The following TSHZ2 variants were observed in gnomAD, a reference collection of about 807,000 sequenced individuals.
The protein encoded by TSHZ2 is teashirt zinc finger homeobox 2, also known as teashirt homolog 2.
TSHZ2 carries 21 observed loss-of-function variants against 74.4 expected under a neutral mutation model. The observed-to-expected ratio is 0.28, with a 90% CI of 0.20 to 0.41. TSHZ2 has a LOEUF of 0.41. Among genes scored for constraint, TSHZ2 ranks in the 10% least tolerant of loss-of-function variants. The probability of loss-of-function intolerance (pLI) is 1.00; values close to 1 mark genes in which losing one functional copy is unlikely to be tolerated. For synonymous variants in TSHZ2, 540 were observed against 515.3 expected (o/e 1.05, Z -0.65); for missense variants, 1,244 against 1,293.5 (o/e 0.96, Z 0.59).
chr20:53,058,922 A>T (rs1405712086), intron 1 of TSHZ2, among the ~76,000 whole-genome samples: 1 of 152,184 alleles, frequency 6.6e-6, no homozygotes, highest in Non-Finnish European at 1.5e-5. Flanking sequence ...CATGCATTTA[A>T]ATCTGTATAC....
rs146340220 is a variant in TSHZ2 at position 53,172,989 on chromosome 20, T to C, written c.41-80510T>C. 2.1e-3 allele frequency among the ~76,000 whole-genome samples: 319 copies of C among 152,324 alleles called. 3 individuals are homozygous for C. The highest frequency in any genetic ancestry group is 6.9e-3 in the African/African-American group (285 of 41,578). On this transcript the variant is annotated intron_variant, in intron 1 of 2. Transcript: ENST00000371497. ...CAAATTACCCTCCCTGCTGTAAGCC[T>C]CAATTTCCTGTTCTGTACAGTGGAG...
intron 1 of TSHZ2, among the ~76,000 whole-genome samples, chr20:53,193,324 G>C (rs1366841962): frequency 1.3e-5 from 2 of 152,052 alleles, no homozygotes; most frequent in Non-Finnish European, 2.9e-5. Flanking sequence ...CCTTCTCCTG[G>C]GCTGACAACT....
chr20:53,235,403 C>CA (rs1258233654), intron 1 of TSHZ2, among the ~76,000 whole-genome samples: 1 of 152,086 alleles, frequency 6.6e-6, no homozygotes, highest in African/African-American at 2.4e-5. Flanking sequence ...CTCCTGACCT[C>CA]ATGTGATCCA....
chr20:53,246,618 G>A (rs1046886921), intron 1 of TSHZ2, among the ~76,000 whole-genome samples: 1 of 152,114 alleles, frequency 6.6e-6, no homozygotes, highest in Non-Finnish European at 1.5e-5. Flanking sequence ...CCACTGTGAC[G>A]AAAGTCCTAG....
At chr20:53,057,035 C>G (rs1405257036) in intron 1 of TSHZ2, among the ~76,000 whole-genome samples, 1 of 152,122 alleles carries the variant, frequency 6.6e-6, no homozygotes, top group African/African-American at 2.4e-5. Flanking sequence ...CTGTACTGTT[C>G]TCATGATAGT....
chr20:53,450,740 T>A (rs1054671252), intron 2 of TSHZ2, among the ~76,000 whole-genome samples: 1 of 152,188 alleles, frequency 6.6e-6, no homozygotes, highest in Non-Finnish European at 1.5e-5. Context: ...CAGGCTGGTC[T>A]TGAACTCCTG....
chr20:53,459,440 C>A (rs1985258031), intron 2 of TSHZ2, among the ~76,000 whole-genome samples: 1 of 150,466 alleles, frequency 6.6e-6, no homozygotes, highest in Admixed American at 6.6e-5. Flanking sequence ...TTATTTTGAG[C>A]CTATGTGTGT....
intron 1 of TSHZ2, among the ~76,000 whole-genome samples, chr20:52,988,471 T>C (rs1436809718): frequency 6.6e-6 from 1 of 152,120 alleles, no homozygotes; most frequent in East Asian, 1.9e-4. Flanking sequence ...TAGTATTTCA[T>C]GCTTAACAGC....
At chr20:53,224,849 CAAA>C (rs1157712413) in intron 1 of TSHZ2, among the ~76,000 whole-genome samples, 1 of 112,874 alleles carries the variant, frequency 8.9e-6, no homozygotes. Context: ...GACTCCATCT[CAAA>C]AAAAAAAAAA....
chr20:52,976,081 T>C lies in TSHZ2; in HGVS notation c.40+2748T>C, dbSNP rs555674910. On this transcript the variant is annotated intron_variant, in intron 1 of 2. Coordinates refer to ENST00000371497, the MANE Select transcript of TSHZ2 (RefSeq NM_173485.6). ...TTTTCCCAAGAACTGTTCCAGGCAA[T>C]TTGATTCCTTTGTATTATTAGTTAT... Among the ~76,000 whole-genome samples, 14 of 152,350 alleles carry C rather than the reference T, an allele frequency of 9.2e-5. No individual in the cohort carries two copies. The South Asian group carries it at 2.9e-3, about 32-fold the overall frequency.
At chr20:53,057,872 G>C (rs1984692990) in intron 1 of TSHZ2, among the ~76,000 whole-genome samples, 1 of 152,162 alleles carries the variant, frequency 6.6e-6, no homozygotes, top group Admixed American at 6.5e-5. Context: ...TTGAGGACAT[G>C]GACAGAAATG....
intron 1 of TSHZ2, among the ~76,000 whole-genome samples, chr20:53,210,435 G>A (rs562275797): frequency 3.9e-5 from 6 of 152,184 alleles, no homozygotes; most frequent in African/African-American, 1.2e-4. Context: ...GGGATGGAGT[G>A]GGGAAATGAT....
chr20:53,077,665 T>C (rs1236854005), intron 1 of TSHZ2, among the ~76,000 whole-genome samples: 1 of 152,006 alleles, frequency 6.6e-6, no homozygotes, highest in African/African-American at 2.4e-5. Context: ...ACAGACAGGG[T>C]AGTGGAGGTA....
intron 2 of TSHZ2, among the ~76,000 whole-genome samples, chr20:53,272,679 T>A (rs1235585113): frequency 6.6e-6 from 1 of 151,986 alleles, no homozygotes; most frequent in African/African-American, 2.4e-5. Context: ...GCCAGAAAAG[T>A]ATGAGGATGT....
intron 1 of TSHZ2, among the ~76,000 whole-genome samples, chr20:53,238,836 TAAAAAAAAAAAAAA>T (rs746136673): frequency 1.5e-5 from 1 of 65,996 alleles, no homozygotes; most frequent in African/African-American, 6.1e-5. Flanking sequence ...ATCTTATATC[TAAAAAAAAAAAAAA>T]AAAAAAAAAA....
chr20:53,369,517 GC>G (rs1240855831), intron 2 of TSHZ2, among the ~76,000 whole-genome samples: 1 of 152,040 alleles, frequency 6.6e-6, no homozygotes, highest in African/African-American at 2.4e-5. Context: ...GACCAGCCGG[GC>G]CAGCATGGTG....
chr20:53,331,066 T>G (rs1343199211), intron 2 of TSHZ2, among the ~76,000 whole-genome samples: 2 of 152,110 alleles, frequency 1.3e-5, no homozygotes, highest in Non-Finnish European at 2.9e-5. Flanking sequence ...ATGGACAGAG[T>G]TACCAGGTGT....
chr20:53,467,609 G>A (rs1378576109), intron 2 of TSHZ2, among the ~76,000 whole-genome samples: 1 of 152,152 alleles, frequency 6.6e-6, no homozygotes, highest in Non-Finnish European at 1.5e-5. Context: ...ATTAAGAAAA[G>A]GTAAGTTATG....
At chr20:53,061,895 A>C (rs943924903) in intron 1 of TSHZ2, among the ~76,000 whole-genome samples, 4 of 152,184 alleles carry the variant, frequency 2.6e-5, no homozygotes, top group African/African-American at 9.6e-5. Flanking sequence ...ACAATCTTCA[A>C]GTTTAATTCC....
Sources: allele counts gnomAD v4.1 joint callset (sites outside exome capture counted in the v4.1 genomes callset), GRCh38; gene constraint gnomAD v4.1.1; transcripts MANE v1.5; gene names NCBI Gene and HGNC (gene_info 2026-07-23, HGNC 2026-07-21).